Variants in GRM8 observed in about 807,000 individuals in gnomAD.
The protein encoded by GRM8 is glutamate metabotropic receptor 8.
In GRM8, 47 loss-of-function variants were observed where a neutral mutation model predicts 87.2. The ratio of observed to expected loss-of-function variants is 0.54; its 90% CI spans 0.43 to 0.69. GRM8 has a LOEUF of 0.69. Ranked by LOEUF, GRM8 falls within the 30% of genes least tolerant of loss-of-function variation. The probability of loss-of-function intolerance (pLI) is 0.00; values close to 1 mark genes in which losing one functional copy is unlikely to be tolerated. For synonymous variants in GRM8, 396 were observed against 404.5 expected, an observed-to-expected ratio of 0.98 and a Z score of 0.25; for missense variants, 1,019 against 1,139.2, an observed-to-expected ratio of 0.89 and a Z score of 1.52.
At chr7:126,680,271 A>T (rs1340355573) in intron 7 of GRM8, among the ~76,000 whole-genome samples, 1 of 152,198 alleles carries the variant, frequency 6.6e-6, no homozygotes, top group African/African-American at 2.4e-5. Flanking sequence ...AGGTGAGAAT[A>T]TAAGCTCACC....
At chr7:126,861,750 G>C (rs935987800) in intron 6 of GRM8, among the ~76,000 whole-genome samples, 1 of 151,520 alleles carries the variant, frequency 6.6e-6, no homozygotes, top group African/African-American at 2.4e-5. Flanking sequence ...CAATCAATTG[G>C]TTTTCATTTC....
At chr7:126,689,599 G>A (rs76997800) in intron 7 of GRM8, among the ~76,000 whole-genome samples, 7,242 of 152,162 alleles carry the variant, frequency 0.048, 263 homozygotes, top group Non-Finnish European at 0.061. Context: ...TCAGGGGTGA[G>A]AAGGTTGGGA....
intron 2 of GRM8, among the ~76,000 whole-genome samples, chr7:127,224,736 TA>T (rs770373443): frequency 6.6e-6 from 1 of 152,182 alleles, no homozygotes; most frequent in Non-Finnish European, 1.5e-5. Context: ...GCAAAAGAAA[TA>T]AGACAATCAT....
chr7:126,516,539 C>A (rs928472513), intron 9 of GRM8, among the ~76,000 whole-genome samples: 2 of 152,040 alleles, frequency 1.3e-5, no homozygotes, highest in Non-Finnish European at 2.9e-5. Flanking sequence ...AAGAAGCATG[C>A]TGCTATTGCA....
At chr7:126,819,850 T>TA (rs1205010777) in intron 6 of GRM8, among the ~76,000 whole-genome samples, 1 of 147,408 alleles carries the variant, frequency 6.8e-6, no homozygotes, top group Non-Finnish European at 1.5e-5. Flanking sequence ...CAACCATCAA[T>TA]AAAAAGAAAG....
intron 5 of GRM8, 76 bp downstream of exon 5, chr7:126,903,896 T>C: frequency 1.2e-6 from 1 of 862,718 alleles, no homozygotes; most frequent in Non-Finnish European, 1.8e-6. Context: ...CATTTCCTCA[T>C]ATTATGATAC....
intron 7 of GRM8, among the ~76,000 whole-genome samples, chr7:126,716,178 T>A (rs1298693607): frequency 6.6e-6 from 1 of 152,000 alleles, no homozygotes; most frequent in African/African-American, 2.4e-5. Context: ...GAATAAACAC[T>A]TTTTTTTCTC....
intron 6 of GRM8, among the ~76,000 whole-genome samples, chr7:126,865,679 T>G (rs183404435): frequency 6.6e-6 from 1 of 152,236 alleles, no homozygotes; most frequent in East Asian, 1.9e-4. Flanking sequence ...AATGGACTCA[T>G]AACAGGTGGT....
intron 3 of GRM8, among the ~76,000 whole-genome samples, chr7:127,074,020 T>C (rs1249342760): frequency 1.3e-5 from 2 of 152,362 alleles, no homozygotes; most frequent in East Asian, 1.9e-4. Flanking sequence ...ATAGAAGTTT[T>C]AGTAGTGCTG....
At chr7:126,805,650 C>T (rs1208690591) in intron 6 of GRM8, among the ~76,000 whole-genome samples, 1 of 152,206 alleles carries the variant, frequency 6.6e-6, no homozygotes, top group Admixed American at 6.5e-5. Context: ...GAGGTCTGAA[C>T]TCAGCTATCT....
chr7:127,088,526 G>T (rs17869246), intron 3 of GRM8, among the ~76,000 whole-genome samples: 42 of 152,260 alleles, frequency 2.8e-4, no homozygotes, highest in Admixed American at 2.1e-3. Context: ...TTTTTCAGGG[G>T]AATTTTGGCT....
intron 2 of GRM8, among the ~76,000 whole-genome samples, chr7:127,161,235 G>C (rs531910227): frequency 6.6e-6 from 1 of 152,248 alleles, no homozygotes; most frequent in East Asian, 1.9e-4. Context: ...TCCCACCTGT[G>C]TGGCCCTTTG....
At chr7:126,957,505 G>A (rs970036330) in intron 3 of GRM8, among the ~76,000 whole-genome samples, 1 of 152,162 alleles carries the variant, frequency 6.6e-6, no homozygotes, top group Admixed American at 6.5e-5. Flanking sequence ...CACGACCCCC[G>A]CAGGCTCAGA....
intron 8 of GRM8, among the ~76,000 whole-genome samples, chr7:126,606,685 T>C (rs927380172): frequency 2.6e-5 from 4 of 152,214 alleles, no homozygotes; most frequent in Non-Finnish European, 5.9e-5. Context: ...AGAGATGCAT[T>C]TTCCATTTCG....
At position 126,931,805 on chromosome 7, in the gene GRM8, T is replaced by C. The variant is rs138136241; in HGVS notation, c.728-27122A>G. Reference sequence around the variant, plus strand: ...TAGACAAATGCCTCAGCCAGTGCTATTGAGTGACATCAGCTCACATTGCAA... The same window carrying C: ...TAGACAAATGCCTCAGCCAGTGCTACTGAGTGACATCAGCTCACATTGCAA... On this transcript the variant is annotated intron_variant, in intron 3 of 10. Coordinates refer to ENST00000339582, the MANE Select transcript of GRM8 (RefSeq NM_000845.3). Among the ~76,000 whole-genome samples the C allele has an allele frequency of 7.6e-3, 1,165 of 152,342 alleles. 16 individuals carry two copies. Among genetic ancestry groups the C allele is most frequent in the African/African-American group, 0.026 (1,078 of 41,572 alleles).
chr7:126,704,026 A>T (rs2151405369), intron 7 of GRM8, among the ~76,000 whole-genome samples: 1 of 152,236 alleles, frequency 6.6e-6, no homozygotes, highest in East Asian at 1.9e-4. Flanking sequence ...CCAGCAAATG[A>T]TTAAGTCAGA....
intron 2 of GRM8, among the ~76,000 whole-genome samples, chr7:127,135,445 T>C (rs2133242119): frequency 6.6e-6 from 1 of 152,156 alleles, no homozygotes; most frequent in African/African-American, 2.4e-5. Context: ...AAAGACATTT[T>C]ACTAATTCCA....
At chr7:126,840,696 A>G (rs1796195093) in intron 6 of GRM8, among the ~76,000 whole-genome samples, 1 of 152,234 alleles carries the variant, frequency 6.6e-6, no homozygotes, top group African/African-American at 2.4e-5. Context: ...CACCAAGAAA[A>G]TAAAATGAAC....
intron 6 of GRM8, among the ~76,000 whole-genome samples, chr7:126,859,290 A>G (rs1797956159): frequency 6.6e-6 from 1 of 152,188 alleles, no homozygotes; most frequent in Non-Finnish European, 1.5e-5. Context: ...GCTTGCCCCT[A>G]CTAAATTTGA....
Sources: allele counts gnomAD v4.1 joint callset (sites outside exome capture counted in the v4.1 genomes callset), GRCh38; gene constraint gnomAD v4.1.1; transcripts MANE v1.5; gene names NCBI Gene and HGNC (gene_info 2026-07-23, HGNC 2026-07-21).